Variants in ZNF280B observed in about 807,000 individuals in gnomAD.
ZNF280B encodes the protein zinc finger protein 280B.
ZNF280B carries 16 observed loss-of-function variants against 38.0 expected under a neutral mutation model. The observed-to-expected ratio is 0.42, with a 90% CI of 0.28 to 0.64. ZNF280B has a LOEUF of 0.64. ZNF280B is among the 30% of genes least tolerant of loss of function. The pLI, the probability that ZNF280B is intolerant of heterozygous loss-of-function variation, is 0.21. For synonymous variants in ZNF280B, 253 were observed against 230.6 expected, an observed-to-expected ratio of 1.10 and a Z score of -0.88; for missense variants, 581 against 639.6, an observed-to-expected ratio of 0.91 and a Z score of 0.99.
At chr22:22,498,634 C>T (rs528100572) in intron 2 of ZNF280B, among the ~76,000 whole-genome samples, 125 of 151,808 alleles carry the variant, frequency 8.2e-4, no homozygotes, top group Middle Eastern at 3.5e-3. Context: ...AAATTCTTAA[C>T]GTTTTTAAAA....
intron 2 of ZNF280B, among the ~76,000 whole-genome samples, chr22:22,498,565 G>C (rs1484749180): frequency 1.3e-5 from 2 of 151,688 alleles, no homozygotes; most frequent in East Asian, 2.0e-4. Flanking sequence ...ACAAGCAATA[G>C]AATTAGTAAT....
chr22:22,502,065 T>G (rs2061837428), intron 2 of ZNF280B, among the ~76,000 whole-genome samples: 1 of 151,836 alleles, frequency 6.6e-6, no homozygotes, highest in African/African-American at 2.4e-5. Flanking sequence ...AGGTTGATGT[T>G]GCAGTGGGCC....
chr22:22,492,178 T>G (rs1285303881), intron 3 of ZNF280B, among the ~76,000 whole-genome samples: 1 of 151,908 alleles, frequency 6.6e-6, no homozygotes, highest in South Asian at 2.1e-4. Context: ...GAATAGTGAT[T>G]TACAACTTAA....
At chr22:22,493,015 A>AT (rs2061627188) in intron 3 of ZNF280B, among the ~76,000 whole-genome samples, 1 of 151,668 alleles carries the variant, frequency 6.6e-6, no homozygotes, top group South Asian at 2.1e-4. Flanking sequence ...TATTGTTATT[A>AT]TTTTTTCTTT....
At position 22,489,246 on chromosome 22, in the gene ZNF280B, T is replaced by C; in HGVS notation, c.153A>G (p.Ser51=). The C allele has an allele frequency of 6.2e-7, 1 of 1,613,882 alleles. No homozygotes were observed. Among genetic ancestry groups the C allele is most frequent in the Non-Finnish European group, 8.5e-7 (1 of 1,179,964 alleles). Residue 51 remains serine, a synonymous_variant, in exon 4 of 4, where the codon TCA becomes TCG. Transcript: ENST00000626650. ...DAELIFVGVT[S]NSKPVVSNIL... ...TGTTTGAAACGACTGGTTTTGAATT[T>C]GAAGTCACCCCAACAAAGATTAGCT...
chr22:22,487,823 C>T lies in ZNF280B; in HGVS notation c.1576G>A (p.Asp526Asn). The change falls in exon 4 of 4, where the codon GAC becomes AAC. Residue 526 changes from aspartate (D) to asparagine (N), a missense_variant. Transcript: ENST00000626650. ...DVASITVSTS[D>N]SEPSLPRSKS... ...GACCTGGGGAGTGATGGTTCAGAGT[C>T]AGATGTGCTCACAGTTATGGATGCT... The T allele has an allele frequency of 6.2e-7, 1 of 1,612,568 alleles. No individual in the cohort carries two copies. The highest frequency in any genetic ancestry group is 2.2e-5 in the East Asian group (1 of 44,784).
intron 2 of ZNF280B, among the ~76,000 whole-genome samples, chr22:22,505,020 G>T (rs1458532224): frequency 1.3e-5 from 2 of 151,842 alleles, no homozygotes; most frequent in African/African-American, 4.8e-5. Context: ...ATAAACACTA[G>T]GGAGAAAAAT....
chr22:22,488,313 G>C lies in ZNF280B; in HGVS notation c.1086C>G (p.Ile362Met), dbSNP rs368642212. The change falls in exon 4 of 4, where the codon ATC becomes ATG. Residue 362 changes from isoleucine (I) to methionine (M), a missense_variant. By Grantham distance (10) the Ile-to-Met change is conservative. Coordinates refer to ENST00000626650, the MANE Select transcript of ZNF280B (RefSeq NM_080764.4). ...GCTCCTGGGCAGTGTGGACATTTTCGATGTGACACTGTAGCTGGAAGGGAG... is the reference window on the plus strand; with the variant it reads ...GCTCCTGGGCAGTGTGGACATTTTCCATGTGACACTGTAGCTGGAAGGGAG... ...FPTPFQLQCH[I>M]ENVHTAQEPS... The C allele has an allele frequency of 2.5e-6, 4 of 1,613,838 alleles. No homozygotes were observed. The highest frequency in any genetic ancestry group is 3.3e-5 in the Admixed American group (2 of 59,980).
At position 22,503,299 on chromosome 22, in the gene ZNF280B, T is replaced by C. The variant is rs377406845; in HGVS notation, c.-187+4511A>G. Reference sequence around the variant, plus strand: ...GTTGATGAAATGTCTTGGAATTAGATATTGCTGATGGTTGTACAATTTTGT... The same window carrying C: ...GTTGATGAAATGTCTTGGAATTAGACATTGCTGATGGTTGTACAATTTTGT... On this transcript the variant is annotated intron_variant, in intron 2 of 3. Transcript: ENST00000626650. Among the ~76,000 whole-genome samples, 148 of 152,136 alleles carry C rather than the reference T, an allele frequency of 9.7e-4. 4 individuals are homozygous for C. In the South Asian group the frequency reaches 0.029, roughly 30 times the overall value.
At chr22:22,491,103 GC>G (rs1385706637) in intron 3 of ZNF280B, among the ~76,000 whole-genome samples, 1 of 151,796 alleles carries the variant, frequency 6.6e-6, no homozygotes, top group Non-Finnish European at 1.5e-5. Flanking sequence ...TGTATGCCCA[GC>G]ACAAAGAACA....
intron 3 of ZNF280B, among the ~76,000 whole-genome samples, chr22:22,490,780 T>G (rs1420823418): frequency 6.6e-6 from 1 of 151,892 alleles, no homozygotes; most frequent in African/African-American, 2.4e-5. Flanking sequence ...CCCTGCTATT[T>G]CTTGAACATA....
At chr22:22,489,728 A>C (rs2061555844) in intron 3 of ZNF280B, among the ~76,000 whole-genome samples, 1 of 151,944 alleles carries the variant, frequency 6.6e-6, no homozygotes, top group Admixed American at 6.6e-5. Context: ...TTATATGGAA[A>C]AGACACACAT....
intron 2 of ZNF280B, among the ~76,000 whole-genome samples, chr22:22,502,832 T>C (rs2061852658): frequency 6.6e-6 from 1 of 152,002 alleles, no homozygotes; most frequent in South Asian, 2.1e-4. Flanking sequence ...TCCTAATCCC[T>C]TAAGCCTGTA....
intron 2 of ZNF280B, among the ~76,000 whole-genome samples, chr22:22,502,700 AC>A (rs2061850131): frequency 6.6e-6 from 1 of 152,018 alleles, no homozygotes; most frequent in African/African-American, 2.4e-5. Flanking sequence ...TTTTACTTAT[AC>A]AAAATGTCCA....
intron 2 of ZNF280B, among the ~76,000 whole-genome samples, chr22:22,496,449 C>T (rs2061696708): frequency 6.6e-6 from 1 of 151,832 alleles, no homozygotes; most frequent in Admixed American, 6.6e-5. Flanking sequence ...CCTCAGCTTA[C>T]TTTTGAAAAA....
At chr22:22,502,484 C>G (rs1263397888) in intron 2 of ZNF280B, among the ~76,000 whole-genome samples, 5 of 151,834 alleles carry the variant, frequency 3.3e-5, no homozygotes, top group African/African-American at 1.2e-4. Flanking sequence ...TATAAGCTAG[C>G]TGGAATATAG....
intron 3 of ZNF280B, among the ~76,000 whole-genome samples, chr22:22,492,938 T>A (rs1403643679): frequency 1.3e-5 from 2 of 151,798 alleles, no homozygotes; most frequent in Non-Finnish European, 2.9e-5. Context: ...TTCTCCAATA[T>A]CCTAAAAAAT....
chr22:22,488,323 T>C lies in ZNF280B; in HGVS notation c.1076A>G (p.Gln359Arg). Residue 359 changes from glutamine (Q) to arginine (R), a missense_variant, in exon 4 of 4, where the codon CAG (glutamine) becomes CGG (arginine). Coordinates refer to ENST00000626650, the MANE Select transcript of ZNF280B (RefSeq NM_080764.4). Reference sequence around the variant, plus strand: ...AGTGTGGACATTTTCGATGTGACACTGTAGCTGGAAGGGAGTGGGAAACTG... The same window carrying C: ...AGTGTGGACATTTTCGATGTGACACCGTAGCTGGAAGGGAGTGGGAAACTG... ...HRQFPTPFQLQCHIENVHTAQ... is the reference protein window; with the variant it reads ...HRQFPTPFQLRCHIENVHTAQ... 1 of 1,613,904 alleles carries C rather than the reference T, an allele frequency of 6.2e-7. No individual in the cohort carries two copies. Among genetic ancestry groups the C allele is most frequent in the Non-Finnish European group, 8.5e-7 (1 of 1,179,978 alleles).
rs1356545080 is a variant in ZNF280B, at chr22:22,486,029, T to G, written c.*1738A>C. ...CACCCATAGTACAGATTAGATAGGA[T>G]AGATCAGATGAAGGACATTAACTCT... On this transcript the variant is annotated 3_prime_UTR_variant, in exon 4 of 4. Transcript: ENST00000626650. 6.6e-6 allele frequency: 1 copy of G among 151,950 alleles called. No individual in the cohort carries two copies. Among genetic ancestry groups the G allele is most frequent in the Non-Finnish European group, 1.5e-5 (1 of 68,032 alleles). The allele number at this position is 151,950 out of a possible 1,614,324, so 9.4% of individuals were successfully genotyped here.
Sources: allele counts gnomAD v4.1 joint callset (sites outside exome capture counted in the v4.1 genomes callset), GRCh38; gene constraint gnomAD v4.1.1; transcripts MANE v1.5; gene names NCBI Gene and HGNC (gene_info 2026-07-23, HGNC 2026-07-21).